The following ARHGEF3 variants were observed in gnomAD, a reference collection of about 807,000 sequenced individuals.
ARHGEF3 encodes the protein 59.8 kDA protein.
In ARHGEF3, 28 loss-of-function variants were observed where a neutral mutation model predicts 63.2. The observed-to-expected ratio is 0.44, with a 90% CI of 0.33 to 0.61. ARHGEF3 has a LOEUF of 0.61. Among genes scored for constraint, ARHGEF3 ranks in the 20% least tolerant of loss-of-function variants. The pLI is 0.03. For synonymous variants in ARHGEF3, 266 were observed against 254.2 expected (o/e 1.05, Z -0.44); for missense variants, 533 against 659.3 (o/e 0.81, Z 2.10).
chr3:56,775,442 T>G, intron 1 of ARHGEF3: 1 of 1,009,750 alleles, frequency 9.9e-7, no homozygotes, highest in Non-Finnish European at 1.2e-6. Context: ...CCATGATTTC[T>G]CAAAGCAGTT....
At chr3:56,936,290 G>A (rs1183677768) in intron 3 of ARHGEF3, among the ~76,000 whole-genome samples, 1 of 152,176 alleles carries the variant, frequency 6.6e-6, no homozygotes, top group African/African-American at 2.4e-5. Flanking sequence ...TGAAGGCAGA[G>A]AGAGAAGGGG....
intron 3 of ARHGEF3, among the ~76,000 whole-genome samples, chr3:56,903,450 A>G (rs1011701573): frequency 1.3e-5 from 2 of 152,260 alleles, no homozygotes; most frequent in Non-Finnish European, 2.9e-5. Context: ...CATGTCCAGG[A>G]TGTTTATAAC....
At chr3:56,788,005 A>C (rs1350750854) in intron 1 of ARHGEF3, among the ~76,000 whole-genome samples, 2 of 152,174 alleles carry the variant, frequency 1.3e-5, no homozygotes. Context: ...AATAGGCTGT[A>C]GAGGCAGAAA....
At chr3:56,775,915 G>A (rs1559929769) in intron 1 of ARHGEF3, among the ~76,000 whole-genome samples, 1 of 152,134 alleles carries the variant, frequency 6.6e-6, no homozygotes, top group Non-Finnish European at 1.5e-5. Flanking sequence ...CAGCAAGTGA[G>A]GTGACAAAGA....
At chr3:56,758,047 G>A (rs1322252197) in intron 2 of ARHGEF3, among the ~76,000 whole-genome samples, 1 of 151,216 alleles carries the variant, frequency 6.6e-6, no homozygotes, top group African/African-American at 2.4e-5. Context: ...GGAGGCTGAG[G>A]CGGGCGGATC....
chr3:56,917,363 C>T (rs1433043092), intron 3 of ARHGEF3, among the ~76,000 whole-genome samples: 1 of 152,092 alleles, frequency 6.6e-6, no homozygotes, highest in African/African-American at 2.4e-5. Context: ...TTCCTAATTA[C>T]AAATTTTAGC....
At chr3:56,844,920 G>A (rs2039434489) in intron 4 of ARHGEF3, among the ~76,000 whole-genome samples, 2 of 152,144 alleles carry the variant, frequency 1.3e-5, no homozygotes, top group African/African-American at 4.8e-5. Flanking sequence ...ATGACAGGAT[G>A]CACATGATTA....
chr3:56,827,944 CAAAA>C lies in ARHGEF3; in HGVS notation c.193-54132_193-54129del, dbSNP rs11462683. ...TGGGTGACAACATGAGATTCTGTCT[CAAAA>C]AAAAAAAAAAAAAAAAAAAAAGGCA... On this transcript the variant is annotated intron_variant, in intron 4 of 12. Transcript: ENST00000338458. 3.3e-4 allele frequency among the ~76,000 whole-genome samples: 11 copies of C among 33,816 alleles called. No homozygotes were observed. In the Admixed American group the frequency reaches 5.0e-3, roughly 16 times the overall value. The allele number at this position is 33,816 out of a possible 152,430, so 22.2% of individuals were successfully genotyped here.
At chr3:56,931,530 C>G (rs934377478) in intron 3 of ARHGEF3, among the ~76,000 whole-genome samples, 1 of 117,662 alleles carries the variant, frequency 8.5e-6, no homozygotes, top group Admixed American at 1.2e-4. Context: ...GAGCCATGAT[C>G]GTGCTACTGC....
intron 2 of ARHGEF3, among the ~76,000 whole-genome samples, chr3:57,001,920 T>G (rs74855628): frequency 2.3e-4 from 15 of 63,936 alleles, no homozygotes; most frequent in South Asian, 6.7e-4. Context: ...AGATAGTTTT[T>G]TTTTTTTTTG....
At chr3:57,018,972 T>G (rs1703133960) in intron 2 of ARHGEF3, among the ~76,000 whole-genome samples, 1 of 152,000 alleles carries the variant, frequency 6.6e-6, no homozygotes, top group African/African-American at 2.4e-5. Flanking sequence ...TCGCAGAATT[T>G]CAAGATTTTC....
chr3:56,933,231 A>C (rs926144731), intron 3 of ARHGEF3, among the ~76,000 whole-genome samples: 3 of 152,124 alleles, frequency 2.0e-5, no homozygotes, highest in African/African-American at 7.2e-5. Flanking sequence ...TTGCACAACA[A>C]ATTTTCTTTC....
At chr3:56,759,856 C>T (rs2035320597) in intron 2 of ARHGEF3, among the ~76,000 whole-genome samples, 1 of 152,196 alleles carries the variant, frequency 6.6e-6, no homozygotes, top group African/African-American at 2.4e-5. Flanking sequence ...TACAATTAAC[C>T]ATTTTTTAGT....
rs1468457103 is a variant in ARHGEF3, at chr3:56,728,573, T to C, written c.*697A>G. 6.5e-6 allele frequency: 1 copy of C among 152,674 alleles called. No individual in the cohort carries two copies. The highest frequency in any genetic ancestry group is 1.5e-5 in the Non-Finnish European group (1 of 68,066). The allele number at this position is 152,674 out of a possible 1,614,324, so 9.5% of individuals were successfully genotyped here. On this transcript the variant is annotated 3_prime_UTR_variant, in exon 10 of 10. Coordinates refer to ENST00000296315, the MANE Select transcript of ARHGEF3 (RefSeq NM_019555.3). ...CCTCCTGGTGCCATGTGCATTTCAG[T>C]TAAAGATTCAGAGCTGGCAGCCGCT...
At chr3:56,957,487 A>C (rs540547444) in intron 3 of ARHGEF3, among the ~76,000 whole-genome samples, 1 of 152,256 alleles carries the variant, frequency 6.6e-6, no homozygotes, top group African/African-American at 2.4e-5. Flanking sequence ...TGACAAATTA[A>C]TTAAGCATAC....
Position 56,875,228 on chromosome 3 carries a change from CTTGT to C in ARHGEF3, c.192+7060_192+7063del, listed in dbSNP as rs1386998008. On this transcript the variant is annotated intron_variant, in intron 4 of 12. Transcript: ENST00000338458. ...TAGCACTAAATCAACAGTAGCTGCT[CTTGT>C]TGCTATGTATCTAATGAGTCTCTCA... 4.7e-4 allele frequency among the ~76,000 whole-genome samples: 71 copies of C among 152,310 alleles called. 1 individual carries two copies. Among genetic ancestry groups the C allele is most frequent in the African/African-American group, 1.6e-3 (65 of 41,570 alleles).
intron 2 of ARHGEF3, among the ~76,000 whole-genome samples, chr3:57,032,832 G>C (rs1435845358): frequency 6.6e-6 from 1 of 152,130 alleles, no homozygotes; most frequent in East Asian, 1.9e-4. Flanking sequence ...GGGAGTATAA[G>C]TATACTCCTT....
At chr3:57,033,798 A>G (rs1352478175) in intron 2 of ARHGEF3, among the ~76,000 whole-genome samples, 1 of 152,150 alleles carries the variant, frequency 6.6e-6, no homozygotes, top group Non-Finnish European at 1.5e-5. Context: ...TAATCCCAGC[A>G]CTTTGGGAGG....
intron 2 of ARHGEF3, among the ~76,000 whole-genome samples, chr3:56,993,125 G>A (rs181990047): frequency 3.5e-4 from 54 of 152,264 alleles, no homozygotes; most frequent in Admixed American, 1.4e-3. Context: ...GTGAGCTACC[G>A]CGCCTGGCCT....
Sources: gnomAD v4.1 joint callset for allele counts (sites outside exome capture counted in the v4.1 genomes callset) on GRCh38, gnomAD v4.1.1 for gene constraint, MANE v1.5 for transcripts, NCBI Gene and HGNC (gene_info 2026-07-23, HGNC 2026-07-21) for gene names.